The following STEAP1B variants were observed in gnomAD, a reference collection of about 807,000 sequenced individuals.
STEAP1B encodes the protein STEAP family protein MGC87042.
Under a neutral mutation model 27.9 loss-of-function variants are expected in STEAP1B, and 13 were observed. The ratio of observed to expected loss-of-function variants is 0.47; its 90% CI spans 0.30 to 0.74. The LOEUF (loss-of-function observed/expected upper bound fraction) is 0.74, where lower values mean the gene tolerates loss of function less well. Ranked by LOEUF, STEAP1B falls within the 30% of genes least tolerant of loss-of-function variation. The pLI, the probability that STEAP1B is intolerant of heterozygous loss-of-function variation, is 0.06. For synonymous variants in STEAP1B, 86 were observed against 107.1 expected (o/e 0.80, Z 1.22); for missense variants, 250 against 298.7 (o/e 0.84, Z 1.20).
At position 22,459,576 on chromosome 7, in the gene STEAP1B, T is replaced by C. The variant is rs138254303; in HGVS notation, c.762+32989A>G. Among the ~76,000 whole-genome samples, 159 of 152,358 alleles carry C rather than the reference T, an allele frequency of 1.0e-3. No individual in the cohort carries two copies. The Middle Eastern group carries it at 0.02, about 20-fold the overall frequency. ...AACAAAATACGGCAAAAGTTACACA[T>C]ATAGTAAATGATTTCTGTATTTTCC... On this transcript the variant is annotated intron_variant, in intron 4 of 4. Coordinates refer to ENST00000678116, the MANE Select transcript of STEAP1B (RefSeq NM_001382447.1).
intron 1 of STEAP1B, 141 bp downstream of exon 1, chr7:22,499,973 G>A (rs1329080013): frequency 1.3e-5 from 2 of 152,476 alleles, no homozygotes; most frequent in Non-Finnish European, 2.9e-5. Flanking sequence ...CGCTCGCCCA[G>A]GAGGGCCGCC....
At position 22,493,424 on chromosome 7, in the gene STEAP1B, A is replaced by G; in HGVS notation, c.497T>C (p.Leu166Pro). 6.2e-7 allele frequency: 1 copy of G among 1,613,994 alleles called. No homozygotes were observed. The highest frequency in any genetic ancestry group is 8.5e-7 in the Non-Finnish European group (1 of 1,179,884). ...KWMLTRKQFG[L>P]LSLFFAVLHA... The stretch of plus-strand genomic sequence containing the variant: ...CAGTACAGCAAAAAACAAACTGAGA[A>G]GCCCAAACTGCTTTCTTGTTAACAT... The change falls in exon 3 of 5, where the codon CTT (leucine) becomes CCT (proline). Residue 166 changes from leucine to proline, a missense_variant. By Grantham distance (98) the Leu-to-Pro change is moderately conservative. Coordinates refer to ENST00000678116, the MANE Select transcript of STEAP1B (RefSeq NM_001382447.1).
At chr7:22,482,352 AATTC>A in intron 4 of STEAP1B, among the ~76,000 whole-genome samples, 1 of 152,206 alleles carries the variant, frequency 6.6e-6, no homozygotes, top group East Asian at 1.9e-4. Context: ...ACCAACGAAT[AATTC>A]TTAGCACAAG....
intron 3 of STEAP1B, 143 bp from the exon 4 acceptor site, chr7:22,492,872 T>C: frequency 5.3e-6 from 7 of 1,328,910 alleles, no homozygotes; most frequent in Non-Finnish European, 5.9e-6. Context: ...CTTTTTTTTT[T>C]GCATTCCTCT....
chr7:22,482,933 T>C (rs1167506446), intron 4 of STEAP1B, among the ~76,000 whole-genome samples: 1 of 152,208 alleles, frequency 6.6e-6, no homozygotes, highest in African/African-American at 2.4e-5. Flanking sequence ...GGAATAGATT[T>C]GTAAGTAGGG....
intron 4 of STEAP1B, among the ~76,000 whole-genome samples, chr7:22,467,427 G>T (rs1164967929): frequency 4.6e-5 from 7 of 152,226 alleles, no homozygotes; most frequent in Admixed American, 4.6e-4. Flanking sequence ...GTGCACGTGT[G>T]TGTATGCATG....
intron 4 of STEAP1B, among the ~76,000 whole-genome samples, chr7:22,471,209 G>C (rs6977132): frequency 0.012 from 1,764 of 152,262 alleles, 14 homozygotes; most frequent in Middle Eastern, 0.031. Flanking sequence ...GTGTGGTCAA[G>C]GGAAAACGAG....
At position 22,493,489 on chromosome 7, in the gene STEAP1B, T is replaced by C; in HGVS notation, c.432A>G (p.Gly144=). Residue 144 remains glycine, a synonymous_variant, in exon 3 of 5, where the codon GGA becomes GGG. Coordinates refer to ENST00000678116, the MANE Select transcript of STEAP1B (RefSeq NM_001382447.1). ...VIAAIVQVHN[G]TKYKKFPHWL... The stretch of plus-strand genomic sequence containing the variant: ...AATGTGGAAACTTCTTATACTTGGT[T>C]CCATTATGAACTTGGACAATTGCTG... 6.2e-7 allele frequency: 1 copy of C among 1,613,704 alleles called. No individual in the cohort carries two copies. Among genetic ancestry groups the C allele is most frequent in the East Asian group, 2.2e-5 (1 of 44,888 alleles).
chr7:22,493,201 T>G, intron 3 of STEAP1B, 123 bp downstream of exon 3: 1 of 1,211,550 alleles, frequency 8.3e-7, no homozygotes, highest in Non-Finnish European at 1.1e-6. Context: ...AATTTTAAAA[T>G]AGATGACTTT....
chr7:22,480,514 CA>C (rs1440556233), intron 4 of STEAP1B, among the ~76,000 whole-genome samples: 2 of 152,172 alleles, frequency 1.3e-5, no homozygotes, highest in African/African-American at 4.8e-5. Context: ...CAGCTCACCC[CA>C]GGGAGACTCA....
chr7:22,439,583 A>G (rs1469232589), intron 4 of STEAP1B, among the ~76,000 whole-genome samples: 6 of 152,200 alleles, frequency 3.9e-5, no homozygotes, highest in Non-Finnish European at 8.8e-5. Flanking sequence ...ACATGTTTTT[A>G]TAGTAGTAAT....
At chr7:22,428,992 T>C (rs1004311485) in intron 4 of STEAP1B, among the ~76,000 whole-genome samples, 2 of 152,196 alleles carry the variant, frequency 1.3e-5, no homozygotes, top group South Asian at 4.1e-4. Context: ...CTGAACCTAC[T>C]GAATTGACCC....
At chr7:22,488,990 T>TA (rs1375018075) in intron 4 of STEAP1B, among the ~76,000 whole-genome samples, 1 of 152,194 alleles carries the variant, frequency 6.6e-6, no homozygotes, top group Non-Finnish European at 1.5e-5. Context: ...TACCCTTGGA[T>TA]AAGTTCTCTT....
chr7:22,438,135 T>C (rs2128401298), intron 4 of STEAP1B, among the ~76,000 whole-genome samples: 1 of 152,306 alleles, frequency 6.6e-6, no homozygotes, highest in East Asian at 1.9e-4. Flanking sequence ...ACCCATCTTT[T>C]AAGGTTCTGC....
At chr7:22,438,326 CAT>C (rs557861233) in intron 4 of STEAP1B, 34 of 841,952 alleles carry the variant, frequency 4.0e-5, no homozygotes, top group Non-Finnish European at 6.0e-5. Context: ...ACTTGTCCCA[CAT>C]GTTTTATTTT....
At chr7:22,482,971 T>G (rs1457675009) in intron 4 of STEAP1B, among the ~76,000 whole-genome samples, 12 of 151,752 alleles carry the variant, frequency 7.9e-5, no homozygotes, top group South Asian at 2.1e-4. Context: ...AGGTGCACCT[T>G]GTCCATTGAC....
intron 4 of STEAP1B, among the ~76,000 whole-genome samples, chr7:22,477,095 A>G (rs1297355780): frequency 6.6e-6 from 1 of 152,170 alleles, no homozygotes; most frequent in Non-Finnish European, 1.5e-5. Context: ...TTCCCCATAC[A>G]AGGGAACCTA....
chr7:22,457,416 A>G (rs907658111), intron 4 of STEAP1B, among the ~76,000 whole-genome samples: 33 of 152,196 alleles, frequency 2.2e-4, no homozygotes, highest in African/African-American at 7.7e-4. Flanking sequence ...TGAGAGTGCC[A>G]CACACTGTGG....
intron 4 of STEAP1B, among the ~76,000 whole-genome samples, chr7:22,463,203 C>T (rs563597898): frequency 1.3e-5 from 2 of 151,818 alleles, no homozygotes; most frequent in South Asian, 2.1e-4. Flanking sequence ...CTCCCATTCA[C>T]AATTGCTTCA....
Sources: gnomAD v4.1 joint callset for allele counts (sites outside exome capture counted in the v4.1 genomes callset) on GRCh38, gnomAD v4.1.1 for gene constraint, MANE v1.5 for transcripts, NCBI Gene and HGNC (gene_info 2026-07-23, HGNC 2026-07-21) for gene names.